MAMDC4: variants seen among roughly 807,000 people sequenced by gnomAD.
MAMDC4 encodes apical endosomal glycoprotein.
A neutral mutation model predicts 153.3 loss-of-function variants in MAMDC4; 168 were observed. The observed-to-expected ratio is 1.10, with a 90% CI of 0.97 to 1.25. The LOEUF (loss-of-function observed/expected upper bound fraction) is 1.25. MAMDC4 is among the 50% of genes most tolerant of loss of function. The pLI is 0.00. For missense variants in MAMDC4, 1,701 were observed against 1,542.8 expected (o/e 1.10, Z -1.72); for synonymous variants, 744 against 651.5 (o/e 1.14, Z -2.16).
chr9:136,854,149 C>G, intron 6 of MAMDC4, 62 bp from the exon 7 acceptor site: 2 of 1,611,012 alleles, frequency 1.2e-6, no homozygotes, highest in Non-Finnish European at 1.7e-6. Context: ...CAGACCCTGT[C>G]TGCCCCCGAG....
In MAMDC4 at chr9:136,855,806, GTCTCAGCCCAGGAGAGCCA is replaced by G; in HGVS notation, c.1547_1565del (p.Val516GlyfsTer21). The G allele has an allele frequency of 6.5e-7, 1 of 1,542,116 alleles. No individual in the cohort carries two copies. The highest frequency in any genetic ancestry group is 8.7e-7 in the Non-Finnish European group (1 of 1,143,904). On this transcript the variant is annotated frameshift_variant, in exon 13 of 27. Coordinates refer to ENST00000317446, the MANE Select transcript of MAMDC4 (RefSeq NM_206920.3). LOFTEE classifies it high-confidence loss of function. ...CGTGGGGCGGCTGCAGTGGCGGCGT[GTCTCAGCCCAGGAGAGCCA>G]GGGGTCCAGTGCAGCTGCTGCTGGT...
chr9:136,860,511 A>T (rs368690084), intron 26 of MAMDC4, 51 bp from the exon 27 acceptor site: 9 of 1,573,416 alleles, frequency 5.7e-6, no homozygotes, highest in Non-Finnish European at 7.7e-6. Flanking sequence ...ACAAGAGCGA[A>T]ACTCCGTCTC....
Position 136,852,960 on chromosome 9 carries a change from C to G in MAMDC4, c.47-142C>G, listed in dbSNP as rs1020108106. On this transcript the variant is annotated intron_variant, in intron 1 of 26. Coordinates refer to ENST00000317446, the MANE Select transcript of MAMDC4 (RefSeq NM_206920.3). The stretch of plus-strand genomic sequence containing the variant: ...GCCGGGTGGGAGTTCTCTGTGGGTC[C>G]CAGCCCCTCCCTGCTCCATCTCCTG... 4.3e-6 allele frequency: 3 copies of G among 693,494 alleles called. No homozygotes were observed. In the African/African-American group the frequency reaches 5.4e-5, roughly 12 times the overall value. The allele number at this position is 693,494 out of a possible 1,614,324, so 43.0% of individuals were successfully genotyped here.
rs752488086 is a variant in MAMDC4, at chr9:136,858,494, C to G, written c.2769C>G (p.Thr923=). 2 of 1,607,512 alleles carry G rather than the reference C, an allele frequency of 1.2e-6. No homozygotes were observed. Among genetic ancestry groups the G allele is most frequent in the Non-Finnish European group, 8.5e-7 (1 of 1,178,344 alleles). The part of the protein sequence containing the change: ...GYSWDWGGGA[T]PSRYPQPPVD... ...GCTGGGACTGGGGCGGGGGAGCCACCCCCTCTCGTTACCCCCAGCCCCCTG... is the reference window on the plus strand; with the variant it reads ...GCTGGGACTGGGGCGGGGGAGCCACGCCCTCTCGTTACCCCCAGCCCCCTG... Residue 923 remains threonine, a synonymous_variant, in exon 22 of 27, where the codon ACC becomes ACG. Coordinates refer to ENST00000317446, the MANE Select transcript of MAMDC4 (RefSeq NM_206920.3).
At chr9:136,859,788 G>C (rs1321266886) in intron 25 of MAMDC4, 98 bp from the exon 26 acceptor site, 5 of 1,311,924 alleles carry the variant, frequency 3.8e-6, no homozygotes, top group Admixed American at 2.1e-5. Flanking sequence ...AACCCCAGGA[G>C]CCAGCAGAGG....
chr9:136,857,653 C>T lies in MAMDC4; in HGVS notation c.2327-6C>T. On this transcript the variant is annotated splice_polypyrimidine_tract_variant and splice_region_variant and intron_variant, in intron 18 of 26. Transcript: ENST00000317446. ...GGGGCTGGCAGGCTGATGCTGGCAC[C>T]TCCAGGGCACTACATGGTGGTGGAC... is the stretch of plus-strand genomic sequence containing the variant. 2 of 1,612,540 alleles carry T rather than the reference C, an allele frequency of 1.2e-6. No homozygotes were observed. Among genetic ancestry groups the T allele is most frequent in the South Asian group, 1.1e-5 (1 of 91,072 alleles).
In MAMDC4 at chr9:136,855,623, A is replaced by T. The variant is rs1176587854; in HGVS notation, c.1471+4A>T. 2 of 1,573,650 alleles carry T rather than the reference A, an allele frequency of 1.3e-6. No homozygotes were observed. Among genetic ancestry groups the T allele is most frequent in the Admixed American group, 1.8e-5 (1 of 54,446 alleles). ...GGCGAGGACGAGCAGGCCTGTGGTA[A>T]AGGGGCTCAACCTCCTGCAGACCTC... On this transcript the variant is annotated splice_donor_region_variant and intron_variant, in intron 12 of 26. Coordinates refer to ENST00000317446, the MANE Select transcript of MAMDC4 (RefSeq NM_206920.3).
intron 19 of MAMDC4, 78 bp from the exon 20 acceptor site, chr9:136,857,901 G>A: frequency 1.3e-6 from 2 of 1,484,156 alleles, no homozygotes; most frequent in East Asian, 2.4e-5. Flanking sequence ...CGCCCGCCAG[G>A]CTGGGAGCCT....
intron 13 of MAMDC4, 69 bp from the exon 14 acceptor site, chr9:136,855,949 G>A: frequency 1.3e-6 from 2 of 1,556,740 alleles, no homozygotes; most frequent in Admixed American, 1.9e-5. Context: ...TCTCTGGACT[G>A]GGGATCCCTG....
At position 136,859,130 on chromosome 9, in the gene MAMDC4, C is replaced by T. The variant is rs772247308; in HGVS notation, c.3082C>T (p.Gln1028Ter). 2 of 1,569,306 alleles carry T rather than the reference C, an allele frequency of 1.3e-6. No individual in the cohort carries two copies. The highest frequency in any genetic ancestry group is 2.3e-5 in the South Asian group (2 of 85,376). Residue 1028 changes from glutamine (Q) to a stop codon, truncating the protein, a stop_gained and splice_region_variant, in exon 24 of 27, where the codon CAG (glutamine) becomes TAG (stop). Transcript: ENST00000317446. LOFTEE classifies it high-confidence loss of function. Reference sequence around the variant, plus strand: ...GGAGGTAGCCAGTGCCAAGGAGTTCCAGGTGAGGCTGGCTGTGGGCAAGGA... The same window carrying T: ...GGAGGTAGCCAGTGCCAAGGAGTTCTAGGTGAGGCTGGCTGTGGGCAAGGA... Reference protein sequence around the residue: ...QVEVASAKEFQIVFEATLGGQ... With the variant: ...QVEVASAKEF
rs781625928 is a variant in MAMDC4, at chr9:136,852,504, C to T, written c.46+42C>T. 5.6e-6 allele frequency: 9 copies of T among 1,600,804 alleles called. No individual in the cohort carries two copies. The South Asian group carries it at 6.6e-5, about 12-fold the overall frequency. On this transcript the variant is annotated intron_variant, in intron 1 of 26. Transcript: ENST00000317446. ...CACTCCTGAGGCAGGACCAGGGGCC[C>T]TGGCTTCTGAGCCTACCATCTGTGT...
At chr9:136,852,495 C>T in intron 1 of MAMDC4, 33 bp downstream of exon 1, 2 of 1,605,614 alleles carry the variant, frequency 1.2e-6, no homozygotes, top group Non-Finnish European at 1.7e-6. Context: ...TGAGGCAGGA[C>T]CAGGGGCCCT....
intron 26 of MAMDC4, 86 bp from the exon 27 acceptor site, chr9:136,860,476 G>T: frequency 7.1e-7 from 1 of 1,415,142 alleles, no homozygotes; most frequent in South Asian, 1.2e-5. Context: ...AGCGAAGATC[G>T]TGCCATTGCA....
rs371469925 is a variant in MAMDC4 at position 136,855,302 on chromosome 9, G to C, written c.1246G>C (p.Asp416His). The change falls in exon 11 of 27, where the codon GAC (aspartate) becomes CAC (histidine). Residue 416 changes from aspartate to histidine, a missense_variant. Asp to His is a moderately conservative substitution (Grantham distance 81). Transcript: ENST00000317446. ...CCCGGGGGGCGTCGTGGGTCTGGAC[G>C]ACCTCATCCTGTCTGACCACTGCAG... ...TGPGGVVGLD[D>H]LILSDHCRPV... is the part of the protein sequence containing the mutation. 6.2e-7 allele frequency: 1 copy of C among 1,607,078 alleles called. No homozygotes were observed. The highest frequency in any genetic ancestry group is 1.1e-5 in the South Asian group (1 of 90,360).
At position 136,856,800 on chromosome 9, in the gene MAMDC4, C is replaced by G; in HGVS notation, c.1811C>G (p.Pro604Arg). 1 of 1,611,854 alleles carries G rather than the reference C, an allele frequency of 6.2e-7. No individual in the cohort carries two copies. The highest frequency in any genetic ancestry group is 1.7e-4 in the Middle Eastern group (1 of 6,058). ...THWRWVESRG[P>R]DHDHTTGQGH... ...TGGCGCTGGGTGGAGAGCCGCGGCCCTGACCACGACCACACCACAGGCCAA... is the reference window on the plus strand; with the variant it reads ...TGGCGCTGGGTGGAGAGCCGCGGCCGTGACCACGACCACACCACAGGCCAA... The change falls in exon 15 of 27, where the codon CCT becomes CGT. Residue 604 changes from proline to arginine, a missense_variant. By Grantham distance (103) the Pro-to-Arg change is moderately radical. Transcript: ENST00000317446.
In MAMDC4 at chr9:136,853,147, C is replaced by A; in HGVS notation, c.92C>A (p.Pro31His). The A allele has an allele frequency of 1.2e-6, 2 of 1,612,796 alleles. No individual in the cohort carries two copies. The highest frequency in any genetic ancestry group is 1.7e-6 in the Non-Finnish European group (2 of 1,179,960). ...WAWVPNHCRS[P>H]GQAVCNFVCD... Reference sequence around the variant, plus strand: ...TGGGTCCCCAACCACTGCAGGAGCCCTGGCCAGGCCGTGTGCAACTTCGTG... The same window carrying A: ...TGGGTCCCCAACCACTGCAGGAGCCATGGCCAGGCCGTGTGCAACTTCGTG... The change falls in exon 2 of 27, where the codon CCT becomes CAT. Residue 31 changes from proline (P) to histidine (H), a missense_variant. Physicochemically the swap from Pro to His is moderately conservative, Grantham distance 77. Transcript: ENST00000317446.
In MAMDC4 at chr9:136,859,139, C is replaced by T. The variant is rs771065152; in HGVS notation, c.3084+7C>T. ...CAGTGCCAAGGAGTTCCAGGTGAGG[C>T]TGGCTGTGGGCAAGGAGCCTCCTCC... On this transcript the variant is annotated splice_region_variant and intron_variant, in intron 24 of 26. Transcript: ENST00000317446. The T allele has an allele frequency of 6.4e-7, 1 of 1,574,412 alleles. No individual in the cohort carries two copies. Among genetic ancestry groups the T allele is most frequent in the Admixed American group, 1.8e-5 (1 of 55,288 alleles).
Position 136,855,469 on chromosome 9 carries a change from GCCCCAGCC to G in MAMDC4, c.1332_1339del (p.Gln445AlafsTer29), listed in dbSNP as rs1200633863. The stretch of plus-strand genomic sequence containing the variant: ...GCAGCCGCTGCCTCCTGGGCCCCGG[GCCCCAGCC>G]CCCCAGCCCCTGCCGCCCAGCTCGC... On this transcript the variant is annotated frameshift_variant, in exon 12 of 27. Transcript: ENST00000317446. LOFTEE classifies it high-confidence loss of function. 5.0e-6 allele frequency: 8 copies of G among 1,607,236 alleles called. No homozygotes were observed. The East Asian group carries it at 6.7e-5, about 13-fold the overall frequency.
Position 136,855,588 on chromosome 9 carries a change from G to C in MAMDC4, c.1440G>C (p.Gln480His). Residue 480 changes from glutamine to histidine, a missense_variant, in exon 12 of 27, where the codon CAG (glutamine) becomes CAC (histidine). Coordinates refer to ENST00000317446, the MANE Select transcript of MAMDC4 (RefSeq NM_206920.3). ...PPEQLCDFEE[Q>H]CAGGEDEQAC... ...AACAACTGTGTGACTTCGAGGAGCA[G>C]TGCGCAGGGGGCGAGGACGAGCAGG... The C allele has an allele frequency of 6.3e-7, 1 of 1,588,736 alleles. No individual in the cohort carries two copies. Among genetic ancestry groups the C allele is most frequent in the Non-Finnish European group, 8.6e-7 (1 of 1,167,602 alleles).
Sources: allele counts gnomAD v4.1 joint callset, GRCh38; gene constraint gnomAD v4.1.1; transcripts MANE v1.5; gene names NCBI Gene and HGNC (gene_info 2026-07-23, HGNC 2026-07-21).